The following RTL4 variants were observed in gnomAD, a reference collection of about 807,000 sequenced individuals.
The protein encoded by RTL4 is retrotransposon Gag-like protein 4.
In RTL4, 4 loss-of-function variants were observed where a neutral mutation model predicts 5.3. The observed-to-expected ratio is 0.75, with a 90% CI of 0.37 to 1.72. The LOEUF is 1.72. RTL4 is among the 40% of genes most tolerant of loss of function. The pLI, the probability that RTL4 is intolerant of heterozygous loss-of-function variation, is 0.04. For missense variants in RTL4, 260 were observed against 227.1 expected (o/e 1.14, Z -0.93); for synonymous variants, 98 against 87.3 (o/e 1.12, Z -0.68).
At chrX:112,221,074 A>G in the RTL4 span, among the ~76,000 whole-genome samples, 2 of 112,197 alleles carry the variant, frequency 1.8e-5, no homozygotes, top group South Asian at 3.7e-4. Flanking sequence ...GAGACTGGGT[A>G]ATTTATACAG....
At chrX:112,287,489 A>G in the RTL4 span, among the ~76,000 whole-genome samples, 1 of 111,926 alleles carries the variant, frequency 8.9e-6, no homozygotes, top group Admixed American at 9.5e-5. Context: ...TCTTGGACGT[A>G]TTCATTGACC....
chrX:112,157,064 T>TTGTGTGTG, the RTL4 span, among the ~76,000 whole-genome samples: 1,838 of 96,557 alleles, frequency 0.019, 26 homozygotes, highest in Non-Finnish European at 0.029. Flanking sequence ...GTTATACTGT[T>TTGTGTGTG]TGTGTGTGTG....
the RTL4 span, among the ~76,000 whole-genome samples, chrX:112,265,481 T>G: frequency 1.8e-5 from 2 of 112,250 alleles, no homozygotes; most frequent in Admixed American, 1.9e-4. Flanking sequence ...TGGTACTGCA[T>G]GTGGAACATT....
At chrX:112,347,475 A>T in the RTL4 span, among the ~76,000 whole-genome samples, 1 of 111,218 alleles carries the variant, frequency 9.0e-6, no homozygotes, top group African/African-American at 3.3e-5. Flanking sequence ...ATAGGAGTCA[A>T]ACTTGACCTA....
chrX:112,315,910 TG>T, the RTL4 span, among the ~76,000 whole-genome samples: 1 of 111,987 alleles, frequency 8.9e-6, no homozygotes, highest in Non-Finnish European at 1.9e-5. Flanking sequence ...TCTTTGTACA[TG>T]TCTACATATG....
At chrX:112,356,851 C>T in the RTL4 span, among the ~76,000 whole-genome samples, 2 of 111,472 alleles carry the variant, frequency 1.8e-5, no homozygotes, top group Non-Finnish European at 3.8e-5. Context: ...ATCATGTGTT[C>T]ATCTTAACCC....
At chrX:112,452,803 AG>A (rs1008136399), upstream of RTL4, among the ~76,000 whole-genome samples, 1 of 111,531 alleles carries the variant, frequency 9.0e-6, no homozygotes, top group Non-Finnish European at 1.9e-5. Flanking sequence ...AGACCGAGGC[AG>A]GCGGATCACC....
the RTL4 span, among the ~76,000 whole-genome samples, chrX:112,136,849 C>T: frequency 9.0e-6 from 1 of 111,580 alleles, no homozygotes; most frequent in Admixed American, 9.5e-5. Context: ...ATGGCATTGA[C>T]AATAAAAACA....
At chrX:112,241,070 G>A in the RTL4 span, among the ~76,000 whole-genome samples, 1 of 111,370 alleles carries the variant, frequency 9.0e-6, no homozygotes, top group African/African-American at 3.3e-5. Flanking sequence ...GTATATCATT[G>A]ATGGACATTT....
At chrX:112,282,492 T>C in the RTL4 span, among the ~76,000 whole-genome samples, 2 of 112,144 alleles carry the variant, frequency 1.8e-5, no homozygotes, top group East Asian at 2.8e-4. Flanking sequence ...TGTGGTTCCA[T>C]ATGAATTTTA....
the RTL4 span, among the ~76,000 whole-genome samples, chrX:112,237,328 G>A: frequency 1.8e-5 from 2 of 112,182 alleles, no homozygotes; most frequent in Non-Finnish European, 3.8e-5. Context: ...GGCCTATGGA[G>A]CAAAGTGGTT....
At chrX:112,363,269 G>T in the RTL4 span, among the ~76,000 whole-genome samples, 1 of 111,141 alleles carries the variant, frequency 9.0e-6, no homozygotes, top group African/African-American at 3.3e-5. Context: ...CTTCCTATCT[G>T]CAGGGAAATG....
the RTL4 span, among the ~76,000 whole-genome samples, chrX:112,128,898 AAGAT>A: frequency 3.6e-5 from 4 of 111,326 alleles, no homozygotes; most frequent in Admixed American, 1.9e-4. Flanking sequence ...ACAAATGTAA[AAGAT>A]AGCCTACTCA....
At chrX:112,158,430 C>T in the RTL4 span, among the ~76,000 whole-genome samples, 1 of 109,099 alleles carries the variant, frequency 9.2e-6, no homozygotes, top group Non-Finnish European at 1.9e-5. Flanking sequence ...GGTGTTCTCT[C>T]TCTCTCTTCA....
chrX:112,238,768 A>C, the RTL4 span, among the ~76,000 whole-genome samples: 1 of 111,560 alleles, frequency 9.0e-6, no homozygotes, highest in African/African-American at 3.3e-5. Flanking sequence ...GCACAGACAA[A>C]AAGCTCCAAG....
At chrX:112,161,811 T>TCCTTCCTA in the RTL4 span, among the ~76,000 whole-genome samples, 1 of 37,148 alleles carries the variant, frequency 2.7e-5, no homozygotes, top group African/African-American at 9.5e-5. Context: ...CTTCCTTCCT[T>TCCTTCCTA]CCTTCCTTCC....
the RTL4 span, among the ~76,000 whole-genome samples, chrX:112,083,805 A>G: frequency 9.0e-6 from 1 of 111,466 alleles, no homozygotes; most frequent in Non-Finnish European, 1.9e-5. Context: ...CCCAACTGGA[A>G]GGGGCTAAAT....
At chrX:112,098,766 A>G in the RTL4 span, among the ~76,000 whole-genome samples, 1 of 111,771 alleles carries the variant, frequency 8.9e-6, no homozygotes, top group African/African-American at 3.3e-5. Flanking sequence ...TTCTTTTGAG[A>G]AAAACAAGAA....
chrX:112,329,674 C>T, the RTL4 span, among the ~76,000 whole-genome samples: 1 of 110,733 alleles, frequency 9.0e-6, no homozygotes, highest in Admixed American at 9.6e-5. Flanking sequence ...CCAGCATCAT[C>T]CTGATACCAA....
Sources: allele counts gnomAD v4.1 joint callset (sites outside exome capture counted in the v4.1 genomes callset), GRCh38; gene constraint gnomAD v4.1.1; transcripts MANE v1.5; gene names NCBI Gene and HGNC (gene_info 2026-07-23, HGNC 2026-07-21).